Variants in PAPPA2 observed in about 807,000 individuals in gnomAD.
The protein encoded by PAPPA2 is pappalysin 2, also known as pappalysin-2.
Under a neutral mutation model 176.4 loss-of-function variants are expected in PAPPA2, and 86 were observed. The ratio of observed to expected loss-of-function variants is 0.49; its 90% CI spans 0.41 to 0.58. The LOEUF (loss-of-function observed/expected upper bound fraction) is 0.58, where lower values mean the gene tolerates loss of function less well. Among genes scored for constraint, PAPPA2 ranks in the 20% least tolerant of loss-of-function variants. The pLI is 0.00. For synonymous variants in PAPPA2, 809 were observed against 852.2 expected (o/e 0.95, Z 0.88); for missense variants, 2,073 against 2,256.9 (o/e 0.92, Z 1.65).
chr1:176,796,710 T>C (rs1177694746), intron 20 of PAPPA2, among the ~76,000 whole-genome samples: 1 of 151,352 alleles, frequency 6.6e-6, no homozygotes, highest in Non-Finnish European at 1.5e-5. Flanking sequence ...CTTTCTTTCT[T>C]TTTCTTTCTT....
At chr1:176,590,794 A>C (rs1435777450) in intron 2 of PAPPA2, among the ~76,000 whole-genome samples, 1 of 152,136 alleles carries the variant, frequency 6.6e-6, no homozygotes, top group Non-Finnish European at 1.5e-5. Flanking sequence ...GCTTTTAACC[A>C]CATGCACTAT....
chr1:176,807,285 C>T (rs1237037961), intron 21 of PAPPA2, among the ~76,000 whole-genome samples: 2 of 151,950 alleles, frequency 1.3e-5, no homozygotes, highest in South Asian at 2.1e-4. Context: ...GTTGAGAGGG[C>T]GAGAAGCTGA....
intron 11 of PAPPA2, among the ~76,000 whole-genome samples, chr1:176,710,989 A>C (rs948138541): frequency 6.6e-6 from 1 of 152,074 alleles, no homozygotes; most frequent in Admixed American, 6.6e-5. Flanking sequence ...TCAAGGAAGG[A>C]GGGGGCAGGC....
chr1:176,671,366 A>C (rs1013954946), intron 4 of PAPPA2, among the ~76,000 whole-genome samples: 1 of 152,352 alleles, frequency 6.6e-6, no homozygotes. Flanking sequence ...TTTAGATGCA[A>C]ATAAATTGCT....
intron 1 of PAPPA2, among the ~76,000 whole-genome samples, chr1:176,503,979 A>C (rs1252261245): frequency 6.6e-6 from 1 of 152,194 alleles, no homozygotes; most frequent in Non-Finnish European, 1.5e-5. Flanking sequence ...ATGTCAGGAC[A>C]TAAGGAAGTC....
chr1:176,476,871 A>G (rs1572947810), intron 1 of PAPPA2, among the ~76,000 whole-genome samples: 10 of 152,200 alleles, frequency 6.6e-5, no homozygotes, highest in Admixed American at 6.5e-4. Context: ...TCAATAGTCT[A>G]TGTCCTTCTG....
chr1:176,710,169 A>T lies in PAPPA2; in HGVS notation c.3644A>T (p.His1215Leu). The change falls in exon 11 of 23, where the codon CAT becomes CTT. Residue 1215 changes from histidine (H) to leucine (L), a missense_variant. Transcript: ENST00000367662. ...CPVSLVTGEP[H>L]SLICTSYHPD... ...GTTTCCTTGGTAACTGGAGAACCTC[A>T]TTCCCTAGTAAGTTAAGCCAGATGA... 1 of 1,613,236 alleles carries T rather than the reference A, an allele frequency of 6.2e-7. No homozygotes were observed. Among genetic ancestry groups the T allele is most frequent in the African/African-American group, 1.3e-5 (1 of 75,008 alleles).
chr1:176,577,103 A>C (rs1242844203), intron 2 of PAPPA2, among the ~76,000 whole-genome samples: 1 of 152,146 alleles, frequency 6.6e-6, no homozygotes, highest in Admixed American at 6.5e-5. Flanking sequence ...CTAATGACTA[A>C]TAATAATAAC....
chr1:176,695,882 C>G (rs778759045), intron 7 of PAPPA2, 23 bp downstream of exon 7: 1 of 1,611,472 alleles, frequency 6.2e-7, no homozygotes, highest in Non-Finnish European at 8.5e-7. Context: ...GACATTTTTT[C>G]TTTATACCCT....
chr1:176,767,151 T>C (rs1664006899), intron 15 of PAPPA2, among the ~76,000 whole-genome samples: 1 of 152,086 alleles, frequency 6.6e-6, no homozygotes, highest in African/African-American at 2.4e-5. Flanking sequence ...CAAAGGAATG[T>C]CCACTCCAGA....
At chr1:176,730,205 TCTTCAAAATTTGGC>T (rs1371942301) in intron 12 of PAPPA2, among the ~76,000 whole-genome samples, 1 of 152,032 alleles carries the variant, frequency 6.6e-6, no homozygotes, top group Non-Finnish European at 1.5e-5. Context: ...ATGATCTGTT[TCTTCAAAATTTGGC>T]AGAGCCTACC....
chr1:176,805,102 CCTTTTTT>C (rs1665846535), intron 21 of PAPPA2, among the ~76,000 whole-genome samples: 2 of 151,348 alleles, frequency 1.3e-5, no homozygotes, highest in East Asian at 1.9e-4. Context: ...TTTTATTTTT[CCTTTTTT>C]CTTTTTTTCT....
At chr1:176,672,093 AAAG>A (rs1373519545) in intron 4 of PAPPA2, among the ~76,000 whole-genome samples, 1 of 151,878 alleles carries the variant, frequency 6.6e-6, no homozygotes, top group Non-Finnish European at 1.5e-5. Flanking sequence ...AAAATAAAAA[AAAG>A]AAAGACAATC....
chr1:176,479,763 G>T (rs904228837), intron 1 of PAPPA2, among the ~76,000 whole-genome samples: 29 of 152,292 alleles, frequency 1.9e-4, no homozygotes, highest in Admixed American at 7.2e-4. Flanking sequence ...CTTGCTTTCT[G>T]CATGGAATTT....
At chr1:176,766,084 G>C (rs1404185845) in intron 15 of PAPPA2, among the ~76,000 whole-genome samples, 1 of 152,150 alleles carries the variant, frequency 6.6e-6, no homozygotes, top group African/African-American at 2.4e-5. Flanking sequence ...CTTCTCCCTT[G>C]TTTATTTCTG....
At chr1:176,606,055 A>G (rs1442980196) in intron 3 of PAPPA2, among the ~76,000 whole-genome samples, 1 of 151,664 alleles carries the variant, frequency 6.6e-6, no homozygotes, top group Non-Finnish European at 1.5e-5. Context: ...GTAAAATTAT[A>G]TATAATATTT....
intron 1 of PAPPA2, among the ~76,000 whole-genome samples, chr1:176,520,418 GC>G (rs916377863): frequency 3.9e-5 from 6 of 152,172 alleles, no homozygotes; most frequent in African/African-American, 1.4e-4. Flanking sequence ...TGACAGTTAA[GC>G]CACACTTTCA....
chr1:176,730,129 A>C (rs1662066851), intron 12 of PAPPA2, among the ~76,000 whole-genome samples: 1 of 151,880 alleles, frequency 6.6e-6, no homozygotes, highest in Admixed American at 6.6e-5. Flanking sequence ...CAATTATAGA[A>C]GCCTCATATA....
At chr1:176,726,582 G>A (rs903614885) in intron 12 of PAPPA2, among the ~76,000 whole-genome samples, 4 of 152,142 alleles carry the variant, frequency 2.6e-5, no homozygotes, top group Non-Finnish European at 5.9e-5. Context: ...AAAAGAGAAT[G>A]GCCACTACCA....
Sources: gnomAD v4.1 joint callset for allele counts (sites outside exome capture counted in the v4.1 genomes callset) on GRCh38, gnomAD v4.1.1 for gene constraint, MANE v1.5 for transcripts, NCBI Gene and HGNC (gene_info 2026-07-23, HGNC 2026-07-21) for gene names.